The following MGMT variants were observed in gnomAD, a reference collection of about 807,000 sequenced individuals.
MGMT encodes O-6-methylguanine-DNA methyltransferase, also known as methylated-DNA--protein-cysteine methyltransferase.
In MGMT, 14 loss-of-function variants were observed where a neutral mutation model predicts 15.9. That is an observed-to-expected ratio of 0.88 (90% CI 0.58 to 1.37). MGMT has a LOEUF of 1.37. Among genes scored for constraint, MGMT ranks in the 40% most tolerant of loss-of-function variants. The probability of loss-of-function intolerance (pLI) is 0.00; values close to 1 mark genes in which losing one functional copy is unlikely to be tolerated. For synonymous variants in MGMT, 130 were observed against 118.2 expected, an observed-to-expected ratio of 1.10 and a Z score of -0.65; for missense variants, 282 against 268.1, an observed-to-expected ratio of 1.05 and a Z score of -0.36.
intron 2 of MGMT, among the ~76,000 whole-genome samples, chr10:129,579,679 A>T (rs1846529544): frequency 6.6e-6 from 1 of 152,148 alleles, no homozygotes; most frequent in Non-Finnish European, 1.5e-5. Flanking sequence ...CTTCTTCTGG[A>T]GCCTTACTAT....
intron 2 of MGMT, among the ~76,000 whole-genome samples, chr10:129,636,778 G>A (rs1847269551): frequency 6.6e-6 from 1 of 152,146 alleles, no homozygotes; most frequent in East Asian, 1.9e-4. Flanking sequence ...GTTTAAAAAA[G>A]TATGTGAACA....
At chr10:129,759,463 A>G (rs904779604) in intron 4 of MGMT, 122 bp downstream of exon 4, 1 of 1,426,012 alleles carries the variant, frequency 7.0e-7, no homozygotes, top group Non-Finnish European at 9.7e-7. Context: ...CAGAGGGGCG[A>G]TATCTGTGAT....
chr10:129,593,389 CTGCCTCCCCAGCTCTCT>C (rs1372954808), intron 2 of MGMT, among the ~76,000 whole-genome samples: 1 of 152,182 alleles, frequency 6.6e-6, no homozygotes, highest in Non-Finnish European at 1.5e-5. Flanking sequence ...GTCCTCCCTC[CTGCCTCCCCAGCTCTCT>C]TGAGCACAGT....
intron 1 of MGMT, among the ~76,000 whole-genome samples, chr10:129,512,423 G>A (rs1202778245): frequency 6.6e-6 from 1 of 152,082 alleles, no homozygotes; most frequent in Non-Finnish European, 1.5e-5. Context: ...CACCACCTGA[G>A]GCGTGTTCAA....
At chr10:129,574,466 A>G (rs997659994) in intron 2 of MGMT, among the ~76,000 whole-genome samples, 2 of 152,214 alleles carry the variant, frequency 1.3e-5, no homozygotes, top group African/African-American at 4.8e-5. Context: ...AATTTAGTAT[A>G]TTGTTGCATA....
intron 3 of MGMT, among the ~76,000 whole-genome samples, chr10:129,747,699 C>G (rs1848709993): frequency 6.6e-6 from 1 of 152,128 alleles, no homozygotes; most frequent in Non-Finnish European, 1.5e-5. Context: ...GTCCTATGAT[C>G]TTGAAGTTTT....
intron 1 of MGMT, among the ~76,000 whole-genome samples, chr10:129,522,164 A>G (rs917875870): frequency 6.6e-6 from 1 of 152,212 alleles, no homozygotes; most frequent in Non-Finnish European, 1.5e-5. Flanking sequence ...GTTGGAGGTC[A>G]CCGGAAATAG....
At chr10:129,471,137 GT>G (rs1393104323) in intron 1 of MGMT, among the ~76,000 whole-genome samples, 3 of 152,292 alleles carry the variant, frequency 2.0e-5, no homozygotes, top group South Asian at 4.2e-4. Context: ...AAATCTATGT[GT>G]TTTTATTATA....
At chr10:129,600,794 G>A (rs1198703499) in intron 2 of MGMT, among the ~76,000 whole-genome samples, 1 of 152,172 alleles carries the variant, frequency 6.6e-6, no homozygotes, top group Admixed American at 6.5e-5. Context: ...CAAGTATGAA[G>A]TTCCTGAATT....
At chr10:129,509,641 A>C (rs966649700) in intron 1 of MGMT, among the ~76,000 whole-genome samples, 18 of 152,260 alleles carry the variant, frequency 1.2e-4, no homozygotes, top group African/African-American at 3.9e-4. Flanking sequence ...TTCCAGTTTA[A>C]CCAGAGGTGA....
intron 2 of MGMT, among the ~76,000 whole-genome samples, chr10:129,613,390 G>A: frequency 6.6e-6 from 1 of 152,176 alleles, no homozygotes; most frequent in East Asian, 1.9e-4. Context: ...GCACTTAGGT[G>A]GGCTTCAGTG....
At chr10:129,642,804 C>T (rs376852088) in intron 2 of MGMT, among the ~76,000 whole-genome samples, 3 of 152,226 alleles carry the variant, frequency 2.0e-5, no homozygotes, top group South Asian at 4.2e-4. Context: ...TTGTGGCTCA[C>T]GTCTGTAGTC....
intron 2 of MGMT, among the ~76,000 whole-genome samples, chr10:129,582,047 T>G (rs1029779680): frequency 6.6e-6 from 1 of 152,148 alleles, no homozygotes; most frequent in African/African-American, 2.4e-5. Context: ...CTGTCCCAGG[T>G]GGGTGGTGGT....
chr10:129,602,352 G>A (rs951583261), intron 2 of MGMT, among the ~76,000 whole-genome samples: 2 of 152,138 alleles, frequency 1.3e-5, no homozygotes, highest in Non-Finnish European at 2.9e-5. Context: ...CTCTGGGTAC[G>A]TGAGCTTAAA....
intron 2 of MGMT, among the ~76,000 whole-genome samples, chr10:129,642,409 C>G (rs1052730014): frequency 6.6e-6 from 1 of 151,854 alleles, no homozygotes; most frequent in African/African-American, 2.4e-5. Context: ...AAGGAGAATC[C>G]TTACTGTAAA....
chr10:129,660,290 C>T (rs912851944), intron 2 of MGMT, among the ~76,000 whole-genome samples: 2 of 151,908 alleles, frequency 1.3e-5, no homozygotes, highest in African/African-American at 2.4e-5. Flanking sequence ...GGTGGTATCT[C>T]GGCGGATGGG....
chr10:129,520,846 C>T (rs1430205147), intron 1 of MGMT, among the ~76,000 whole-genome samples: 1 of 151,218 alleles, frequency 6.6e-6, no homozygotes, highest in East Asian at 2.0e-4. Context: ...GGTGCATGTA[C>T]AGACCCCATA....
At chr10:129,614,157 A>T (rs375844849) in intron 2 of MGMT, among the ~76,000 whole-genome samples, 20 of 152,076 alleles carry the variant, frequency 1.3e-4, no homozygotes, top group African/African-American at 4.8e-4. Context: ...GTCTGACTAC[A>T]TCACATAAGT....
At chr10:129,502,621 G>C (rs532274438) in intron 1 of MGMT, among the ~76,000 whole-genome samples, 2 of 152,308 alleles carry the variant, frequency 1.3e-5, no homozygotes, top group African/African-American at 4.8e-5. Flanking sequence ...TGCAGCTGAG[G>C]TTGGGGGTGA....
Sources: gnomAD v4.1 joint callset for allele counts (sites outside exome capture counted in the v4.1 genomes callset) on GRCh38, gnomAD v4.1.1 for gene constraint, MANE v1.5 for transcripts, NCBI Gene and HGNC (gene_info 2026-07-23, HGNC 2026-07-21) for gene names.